XRCC2: variants seen among roughly 807,000 people sequenced by gnomAD.
XRCC2 encodes X-ray repair cross complementing 2, also known as DNA repair protein XRCC2.
A neutral mutation model predicts 27.3 loss-of-function variants in XRCC2; 24 were observed. The observed-to-expected ratio is 0.88, with a 90% CI of 0.64 to 1.24. The LOEUF (loss-of-function observed/expected upper bound fraction) is 1.24, where lower values mean the gene tolerates loss of function less well. Ranked by LOEUF, XRCC2 falls within the 50% of genes most tolerant of loss-of-function variation. XRCC2 has a pLI of 0.00. For synonymous variants in XRCC2, 106 were observed against 115.4 expected, an observed-to-expected ratio of 0.92 and a Z score of 0.52; for missense variants, 321 against 325.8, an observed-to-expected ratio of 0.99 and a Z score of 0.11.
chr7:152,664,727 G>A (rs2098034838), intron 1 of XRCC2, among the ~76,000 whole-genome samples: 1 of 152,134 alleles, frequency 6.6e-6, no homozygotes, highest in Non-Finnish European at 1.5e-5. Flanking sequence ...TATTAGAGTA[G>A]GTAGACAGAC....
chr7:152,675,870 T>A (rs1253934306), intron 1 of XRCC2, among the ~76,000 whole-genome samples, 171 bp downstream of exon 1: 2 of 151,912 alleles, frequency 1.3e-5, no homozygotes, highest in Admixed American at 1.3e-4. Context: ...GGGGCCCAGG[T>A]GAGAGGTGGC....
rs11323323 is a variant in XRCC2, at chr7:152,662,565, A to ATTTT, written c.40-1787_40-1784dup. Among the ~76,000 whole-genome samples, 52 of 67,768 alleles carry ATTTT rather than the reference A, an allele frequency of 7.7e-4. 1 individual carries two copies. The highest frequency in any genetic ancestry group is 0.017 in the Middle Eastern group (1 of 60). 44.5% of individuals were successfully genotyped at this position (67,768 alleles called of 152,430 possible). ...GGGAAGAAAGTCACCTTTTATTTGCATTTTTTTTTTTTTTTTTTTTTTTTT... is the reference window on the plus strand; with the variant it reads ...GGGAAGAAAGTCACCTTTTATTTGCATTTTTTTTTTTTTTTTTTTTTTTTTTTTT... On this transcript the variant is annotated intron_variant, in intron 1 of 2. Coordinates refer to ENST00000359321, the MANE Select transcript of XRCC2 (RefSeq NM_005431.2).
At chr7:152,668,188 T>A (rs1411160674) in intron 1 of XRCC2, among the ~76,000 whole-genome samples, 1 of 152,182 alleles carries the variant, frequency 6.6e-6, no homozygotes, top group Admixed American at 6.6e-5. Context: ...AATAATTGCA[T>A]GTCATTCTGA....
intron 1 of XRCC2, among the ~76,000 whole-genome samples, chr7:152,664,441 C>T (rs1044555751): frequency 2.6e-5 from 4 of 152,144 alleles, no homozygotes; most frequent in Non-Finnish European, 4.4e-5. Context: ...CTCACTAATG[C>T]AGACGGGCAT....
At position 152,645,154 on chromosome 7, in the gene XRCC2, A is replaced by G. The variant is rs1189916454; in HGVS notation, c.*3488T>C. 7 of 151,984 alleles carry G rather than the reference A, an allele frequency of 4.6e-5. No individual in the cohort carries two copies. The highest frequency in any genetic ancestry group is 1.7e-4 in the African/African-American group (7 of 41,432). 9.4% of individuals were successfully genotyped at this position (151,984 alleles called of 1,614,324 possible). Reference sequence around the variant, plus strand: ...AGGGTTAAACTCTGCTTCTTACAATAAAGCTTTGTAATTTTCTCCAAAAAG... The same window carrying G: ...AGGGTTAAACTCTGCTTCTTACAATGAAGCTTTGTAATTTTCTCCAAAAAG... On this transcript the variant is annotated 3_prime_UTR_variant, in exon 3 of 3. Coordinates refer to ENST00000359321, the MANE Select transcript of XRCC2 (RefSeq NM_005431.2).
chr7:152,649,540 T>A (rs2098027618), intron 2 of XRCC2, among the ~76,000 whole-genome samples, 177 bp from the exon 3 acceptor site: 1 of 152,162 alleles, frequency 6.6e-6, no homozygotes, highest in African/African-American at 2.4e-5. Context: ...AATTAGAGCC[T>A]GGTGGGAAGG....
In XRCC2 at chr7:152,649,237, G is replaced by A. The variant is rs1165041758; in HGVS notation, c.248C>T (p.Thr83Ile). The change falls in exon 3 of 3, where the codon ACA becomes ATA. Residue 83 changes from threonine to isoleucine, a missense_variant. Transcript: ENST00000359321. ...GLEVEVLFID[T>I]DYHFDMLRLV... ...CCGGAGCATATCAAAGTGGTAATCT[G>A]TATCAATAAATAAGACTTCTACTTC... The A allele has an allele frequency of 6.2e-6, 10 of 1,613,734 alleles. No individual in the cohort carries two copies. The highest frequency in any genetic ancestry group is 7.6e-6 in the Non-Finnish European group (9 of 1,180,044).
Position 152,676,127 on chromosome 7 carries a change from C to T in XRCC2, c.-48G>A, listed in dbSNP as rs372428897. The T allele has an allele frequency of 9.0e-5, 145 of 1,612,796 alleles. No individual in the cohort carries two copies. The highest frequency in any genetic ancestry group is 4.2e-4 in the Admixed American group (25 of 60,006). On this transcript the variant is annotated 5_prime_UTR_variant, in exon 1 of 3. Coordinates refer to ENST00000359321, the MANE Select transcript of XRCC2 (RefSeq NM_005431.2). ...AGAGACTCAACTTTCCCGCCACCAA[C>T]GCCATTCACCAACTGCGCAGACTCT... is the stretch of plus-strand genomic sequence containing the variant.
chr7:152,662,657 C>T (rs1413946487), intron 1 of XRCC2, among the ~76,000 whole-genome samples: 47 of 144,288 alleles, frequency 3.3e-4, no homozygotes, highest in Admixed American at 1.5e-3. Flanking sequence ...ACTGCAAGCT[C>T]CGCCTCCCGG....
Position 152,649,144 on chromosome 7 carries a change from C to T in XRCC2, c.341G>A (p.Arg114Lys), listed in dbSNP as rs779741034. The T allele has an allele frequency of 5.6e-6, 9 of 1,613,670 alleles. No individual in the cohort carries two copies. The highest frequency in any genetic ancestry group is 7.6e-6 in the Non-Finnish European group (9 of 1,179,904). The change falls in exon 3 of 3, where the codon AGA (arginine) becomes AAA (lysine). Residue 114 changes from arginine (R) to lysine (K), a missense_variant. Coordinates refer to ENST00000359321, the MANE Select transcript of XRCC2 (RefSeq NM_005431.2). ...ACTACTGCAGTACACCAAAAAAAAT[C>T]TTCCCAGGCAGTATTTGATTATTTC... is the stretch of plus-strand genomic sequence containing the variant. ...SEEIIKYCLG[R>K]FFLVYCSSST...
At chr7:152,656,087 G>A (rs910746032) in intron 2 of XRCC2, among the ~76,000 whole-genome samples, 7 of 152,188 alleles carry the variant, frequency 4.6e-5, no homozygotes, top group East Asian at 3.8e-4. Context: ...GAGGGAGCGC[G>A]TCAGGACAAA....
intron 1 of XRCC2, among the ~76,000 whole-genome samples, chr7:152,674,695 A>ATTTAT (rs1373896582): frequency 9.4e-6 from 1 of 105,872 alleles, no homozygotes; most frequent in African/African-American, 4.5e-5. Flanking sequence ...ATATATTTTT[A>ATTTAT]AATATATATT....
At chr7:152,660,507 T>C (rs1276948021) in intron 2 of XRCC2, among the ~76,000 whole-genome samples, 194 bp downstream of exon 2, 1 of 152,242 alleles carries the variant, frequency 6.6e-6, no homozygotes, top group African/African-American at 2.4e-5. Context: ...GAAGATTTAC[T>C]GCAGAGAAGC....
intron 1 of XRCC2, among the ~76,000 whole-genome samples, chr7:152,671,718 C>T (rs1165396120): frequency 1.3e-5 from 2 of 152,076 alleles, no homozygotes; most frequent in Non-Finnish European, 2.9e-5. Flanking sequence ...TATAGTTAGA[C>T]CGGGTGCCCA....
At chr7:152,658,799 T>C (rs2098031816) in intron 2 of XRCC2, among the ~76,000 whole-genome samples, 1 of 152,242 alleles carries the variant, frequency 6.6e-6, no homozygotes, top group Admixed American at 6.5e-5. Flanking sequence ...ACTGCATGTA[T>C]ATATCACATT....
In XRCC2 at chr7:152,665,684, G is replaced by A. The variant is rs1225661671; in HGVS notation, c.40-4902C>T. On this transcript the variant is annotated intron_variant, in intron 1 of 2. Transcript: ENST00000359321. ...TTTTTAGGAGACAGGGTCTCACTAT[G>A]TTGCCCAGGCTGGTCTCGAACTCCT... is the stretch of plus-strand genomic sequence containing the variant. Among the ~76,000 whole-genome samples, 11 of 151,926 alleles carry A rather than the reference G, an allele frequency of 7.2e-5. No individual in the cohort carries two copies. The South Asian group carries it at 2.3e-3, about 32-fold the overall frequency.
intron 1 of XRCC2, among the ~76,000 whole-genome samples, chr7:152,668,969 C>T (rs1460342940): frequency 6.6e-6 from 1 of 152,172 alleles, no homozygotes; most frequent in African/African-American, 2.4e-5. Context: ...AGGATTTAAT[C>T]AAGATCTCTG....
chr7:152,664,875 G>C (rs550691036), intron 1 of XRCC2, among the ~76,000 whole-genome samples: 6 of 152,220 alleles, frequency 3.9e-5, no homozygotes, highest in Admixed American at 3.9e-4. Flanking sequence ...ACAACTTCCT[G>C]ATAAGATCCT....
intron 2 of XRCC2, among the ~76,000 whole-genome samples, chr7:152,652,588 A>G (rs1057377844): frequency 2.6e-5 from 4 of 151,986 alleles, no homozygotes; most frequent in South Asian, 2.1e-4. Context: ...ATCATCTCCC[A>G]TCATCACACA....
Sources: gnomAD v4.1 joint callset for allele counts (sites outside exome capture counted in the v4.1 genomes callset) on GRCh38, gnomAD v4.1.1 for gene constraint, MANE v1.5 for transcripts, NCBI Gene and HGNC (gene_info 2026-07-23, HGNC 2026-07-21) for gene names.